Variants in OGDH observed in about 807,000 individuals in gnomAD.
OGDH encodes the protein oxoglutarate dehydrogenase.
In OGDH, 38 loss-of-function variants were observed where a neutral mutation model predicts 116.6. The ratio of observed to expected loss-of-function variants is 0.33; its 90% CI spans 0.25 to 0.43. OGDH has a LOEUF of 0.43. Ranked by LOEUF, OGDH falls within the 20% of genes least tolerant of loss-of-function variation. The pLI, the probability that OGDH is intolerant of heterozygous loss-of-function variation, is 1.00. For synonymous variants in OGDH, 488 were observed against 533.3 expected, an observed-to-expected ratio of 0.92 and a Z score of 1.17; for missense variants, 825 against 1,357.2, an observed-to-expected ratio of 0.61 and a Z score of 6.16.
chr7:44,645,167 C>T (rs924756012), intron 2 of OGDH, among the ~76,000 whole-genome samples, 160 bp from the exon 3 acceptor site: 3 of 152,184 alleles, frequency 2.0e-5, no homozygotes, highest in African/African-American at 7.2e-5. Context: ...GAGAAACCCA[C>T]CGTTTGGGAA....
chr7:44,692,412 A>G (rs1156327848), intron 10 of OGDH, among the ~76,000 whole-genome samples: 2 of 152,238 alleles, frequency 1.3e-5, no homozygotes, highest in African/African-American at 2.4e-5. Context: ...AAAGTTACCA[A>G]CAAGCCTCAG....
chr7:44,651,580 G>C (rs1786443787), intron 4 of OGDH, among the ~76,000 whole-genome samples: 1 of 152,114 alleles, frequency 6.6e-6, no homozygotes, highest in Admixed American at 6.5e-5. Context: ...ATTATTATTT[G>C]AGATGGAATT....
At chr7:44,673,317 A>AAAAT (rs374191353) in intron 5 of OGDH, among the ~76,000 whole-genome samples, 23 of 152,204 alleles carry the variant, frequency 1.5e-4, no homozygotes, top group African/African-American at 1.9e-4. Flanking sequence ...CTGCCTCAAA[A>AAAAT]AAATAAATAA....
At chr7:44,676,237 C>T (rs1187120971) in intron 9 of OGDH, 88 bp downstream of exon 9, 1 of 1,609,862 alleles carries the variant, frequency 6.2e-7, no homozygotes, top group Non-Finnish European at 8.5e-7. Flanking sequence ...ACCCAGAGCC[C>T]TGGGTGCATC....
intron 10 of OGDH, among the ~76,000 whole-genome samples, chr7:44,688,177 C>T (rs973403078): frequency 6.6e-6 from 1 of 151,930 alleles, no homozygotes; most frequent in African/African-American, 2.4e-5. Context: ...TCAAGACCAG[C>T]CTGGCCAACA....
chr7:44,689,938 G>A (rs1788298484), intron 10 of OGDH, among the ~76,000 whole-genome samples: 1 of 152,132 alleles, frequency 6.6e-6, no homozygotes, highest in South Asian at 2.1e-4. Flanking sequence ...ATCCAAGAAG[G>A]CTTTGCCTAA....
intron 4 of OGDH, among the ~76,000 whole-genome samples, chr7:44,657,726 T>C (rs1786755492): frequency 6.6e-6 from 1 of 152,248 alleles, no homozygotes; most frequent in Non-Finnish European, 1.5e-5. Flanking sequence ...CCCCAAAATG[T>C]TCTCCTATAC....
chr7:44,624,385 G>GA lies in OGDH; in HGVS notation c.43dup (p.Thr15AsnfsTer7). On this transcript the variant is annotated frameshift_variant, in exon 2 of 23. Coordinates refer to ENST00000222673, the MANE Select transcript of OGDH (RefSeq NM_002541.4). LOFTEE classifies it high-confidence loss of function. ...CTTGTGCTGCTAAGTTGAGGCCATT[G>GA]ACGGCTTCCCAGACTGTTAAGACAT... is the stretch of plus-strand genomic sequence containing the variant. 1 of 1,513,164 alleles carries GA rather than the reference G, an allele frequency of 6.6e-7. No homozygotes were observed. Among genetic ancestry groups the GA allele is most frequent in the Non-Finnish European group, 8.9e-7 (1 of 1,118,548 alleles). The allele number at this position is 1,513,164 out of a possible 1,614,324, so 93.7% of individuals were successfully genotyped here.
intron 10 of OGDH, among the ~76,000 whole-genome samples, chr7:44,691,238 T>C (rs1016468771): frequency 2.6e-5 from 4 of 152,136 alleles, no homozygotes; most frequent in African/African-American, 9.7e-5. Context: ...CATAAGACTC[T>C]TTGTCTGCCA....
chr7:44,638,376 C>G (rs1168587952), intron 2 of OGDH, among the ~76,000 whole-genome samples: 1 of 152,182 alleles, frequency 6.6e-6, no homozygotes, highest in Non-Finnish European at 1.5e-5. Flanking sequence ...CTGACTGCCT[C>G]CATTTCTCAT....
At position 44,666,779 on chromosome 7, in the gene OGDH, C is replaced by A; in HGVS notation, c.561C>A (p.His187Gln). Residue 187 changes from histidine (H) to glutamine (Q), a missense_variant, in exon 5 of 23, where the codon CAC becomes CAA. Around this residue, in one of 7 missense-constraint regions of OGDH, gnomAD observed 171 missense variants for 276.8 expected, o/e 0.62. Coordinates refer to ENST00000222673, the MANE Select transcript of OGDH (RefSeq NM_002541.4). ...AGTCTGACCTCGACAAGGTCTTCCACTTGCCCACCACCACTTTCATCGGGG... is the reference window on the plus strand; with the variant it reads ...AGTCTGACCTCGACAAGGTCTTCCAATTGCCCACCACCACTTTCATCGGGG... ...LDESDLDKVF[H>Q]LPTTTFIGGQ... 1 of 1,613,510 alleles carries A rather than the reference C, an allele frequency of 6.2e-7. No individual in the cohort carries two copies. The highest frequency in any genetic ancestry group is 2.2e-5 in the East Asian group (1 of 44,802).
chr7:44,631,201 C>T (rs1268513418), intron 2 of OGDH, among the ~76,000 whole-genome samples: 1 of 152,172 alleles, frequency 6.6e-6, no homozygotes, highest in Non-Finnish European at 1.5e-5. Flanking sequence ...GGATGCAGAA[C>T]CCACAGATAC....
intron 20 of OGDH, among the ~76,000 whole-genome samples, chr7:44,705,009 C>T (rs1329913480): frequency 1.3e-5 from 2 of 150,008 alleles, no homozygotes; most frequent in Non-Finnish European, 2.9e-5. Flanking sequence ...CTGCACCTGG[C>T]CTGTTGTTAG....
At chr7:44,702,057 G>C (rs1369890734) in intron 20 of OGDH, among the ~76,000 whole-genome samples, 1 of 143,556 alleles carries the variant, frequency 7.0e-6, no homozygotes, top group Non-Finnish European at 1.5e-5. Context: ...GGCAATAAGA[G>C]CAAAACTCCG....
intron 14 of OGDH, 118 bp from the exon 15 acceptor site, chr7:44,696,796 C>T (rs1470598136): frequency 7.4e-7 from 1 of 1,346,954 alleles, no homozygotes; most frequent in Non-Finnish European, 1.0e-6. Flanking sequence ...TCCAGCAAGT[C>T]AGGAACCCAG....
At chr7:44,688,395 C>T (rs1212561808) in intron 10 of OGDH, among the ~76,000 whole-genome samples, 1 of 150,668 alleles carries the variant, frequency 6.6e-6, no homozygotes, top group African/African-American at 2.4e-5. Flanking sequence ...TAAAATAATG[C>T]TGCTGTGAAC....
At chr7:44,649,490 G>A (rs955601507) in intron 4 of OGDH, among the ~76,000 whole-genome samples, 1 of 151,942 alleles carries the variant, frequency 6.6e-6, no homozygotes, top group Non-Finnish European at 1.5e-5. Context: ...GAGATTACTG[G>A]TGTGAGCCAC....
chr7:44,622,210 A>T (rs1785035420), intron 1 of OGDH, among the ~76,000 whole-genome samples: 2 of 148,460 alleles, frequency 1.3e-5, no homozygotes, highest in South Asian at 2.1e-4. Flanking sequence ...CTGAGAAATT[A>T]AAAAAAAAAT....
intron 20 of OGDH, among the ~76,000 whole-genome samples, chr7:44,705,880 C>T (rs1789049350): frequency 2.0e-5 from 3 of 152,182 alleles, no homozygotes; most frequent in South Asian, 4.1e-4. Flanking sequence ...AACCTTACTC[C>T]TTTATCAAAC....
Sources: gnomAD v4.1 joint callset for allele counts (sites outside exome capture counted in the v4.1 genomes callset) on GRCh38, gnomAD v4.1.1 for gene constraint, gnomAD v4.1.1 regional missense constraint, MANE v1.5 for transcripts, NCBI Gene and HGNC (gene_info 2026-07-23, HGNC 2026-07-21) for gene names.